The following EFR3B variants were observed in gnomAD, a reference collection of about 807,000 sequenced individuals.
EFR3B encodes the protein protein EFR3 homolog B.
EFR3B carries 64 observed loss-of-function variants against 104.7 expected under a neutral mutation model. The observed-to-expected ratio is 0.61, with a 90% CI of 0.50 to 0.75. The LOEUF is 0.75. Among genes scored for constraint, EFR3B ranks in the 30% least tolerant of loss-of-function variants. EFR3B has a pLI of 0.00. For synonymous variants in EFR3B, 385 were observed against 417.9 expected (o/e 0.92, Z 0.96); for missense variants, 750 against 1,078.5 (o/e 0.70, Z 4.27).
At chr2:25,048,841 G>A (rs376815619) in intron 1 of EFR3B, among the ~76,000 whole-genome samples, 5 of 152,168 alleles carry the variant, frequency 3.3e-5, no homozygotes, top group African/African-American at 9.7e-5. Context: ...GGTCCCCCGG[G>A]CCCAGGTGTC....
intron 19 of EFR3B, 150 bp downstream of exon 19, chr2:25,145,201 T>C (rs992320189): frequency 2.9e-6 from 2 of 698,786 alleles, no homozygotes; most frequent in African/African-American, 3.5e-5. Context: ...TCTCCCCACG[T>C]ATGCGTCATA....
chr2:25,135,915 C>T (rs1573229966), intron 13 of EFR3B, among the ~76,000 whole-genome samples: 2 of 151,970 alleles, frequency 1.3e-5, no homozygotes, highest in East Asian at 3.9e-4. Flanking sequence ...AGAGAGTAGG[C>T]ATTAAAGGGA....
At position 25,042,165 on chromosome 2, in the gene EFR3B, G is replaced by T. The variant is rs1573154375; in HGVS notation, c.-148G>T. On this transcript the variant is annotated 5_prime_UTR_variant, in exon 1 of 23. Coordinates refer to ENST00000403714, the MANE Select transcript of EFR3B (RefSeq NM_014971.2). The surrounding 1 kb of genome is among the most constrained non-coding windows in gnomAD (Gnocchi z 5.4). ...CCCGGCTCCGTCCTGCCCGCGGCCG[G>T]CCCCCGCGTCTGCTCCCTCCCCGCC... 1 of 759,014 alleles carries T rather than the reference G, an allele frequency of 1.3e-6. No homozygotes were observed. Among genetic ancestry groups the T allele is most frequent in the East Asian group, 3.9e-5 (1 of 25,394 alleles). 47.0% of individuals were successfully genotyped at this position (759,014 alleles called of 1,614,324 possible).
At chr2:25,105,306 C>T (rs1669533608) in intron 4 of EFR3B, among the ~76,000 whole-genome samples, 1 of 152,138 alleles carries the variant, frequency 6.6e-6, no homozygotes, top group Admixed American at 6.6e-5. Context: ...GCATACACCA[C>T]CACACCTGGC....
chr2:25,048,767 A>G (rs1667788142), intron 1 of EFR3B, among the ~76,000 whole-genome samples: 1 of 152,224 alleles, frequency 6.6e-6, no homozygotes, highest in African/African-American at 2.4e-5. Context: ...CTTGCTCTAC[A>G]ATCATAACCT....
chr2:25,152,116 T>C lies in EFR3B; in HGVS notation c.2298+96T>C. The stretch of plus-strand genomic sequence containing the variant: ...TAAGTTCCTAGGAGATCTTGGCTCT[T>C]TGACCACCAACCTCCCCCACCCCCA... On this transcript the variant is annotated intron_variant, in intron 21 of 22. Coordinates refer to ENST00000403714, the MANE Select transcript of EFR3B (RefSeq NM_014971.2). The C allele has an allele frequency of 4.0e-6, 5 of 1,260,082 alleles. No homozygotes were observed. In the South Asian group the frequency reaches 7.0e-5, roughly 18 times the overall value. 78.1% of individuals were successfully genotyped at this position (1,260,082 alleles called of 1,614,324 possible).
chr2:25,062,930 C>CTTTTTCTT (rs1558586117), intron 1 of EFR3B, among the ~76,000 whole-genome samples: 1 of 143,648 alleles, frequency 7.0e-6, no homozygotes, highest in African/African-American at 2.5e-5. Flanking sequence ...TTTTCTTTTT[C>CTTTTTCTT]TTTTTTTTTT....
chr2:25,104,997 C>G (rs899683240), intron 4 of EFR3B, among the ~76,000 whole-genome samples: 18 of 152,196 alleles, frequency 1.2e-4, no homozygotes, highest in African/African-American at 4.3e-4. Context: ...CTGTCTCTCC[C>G]ATTCCTTCCC....
At chr2:25,129,388 A>G (rs899400034) in intron 6 of EFR3B, among the ~76,000 whole-genome samples, 6 of 149,294 alleles carry the variant, frequency 4.0e-5, no homozygotes, top group Admixed American at 1.3e-4. Context: ...TGGGGTTCGT[A>G]TGCCATCTGG....
intron 17 of EFR3B, among the ~76,000 whole-genome samples, chr2:25,142,380 CA>C (rs1208145837): frequency 6.7e-6 from 1 of 148,584 alleles, no homozygotes; most frequent in African/African-American, 2.5e-5. Flanking sequence ...ATCCAGGAGG[CA>C]AAGGTTGCAG....
At chr2:25,062,134 A>AT (rs1668215621) in intron 1 of EFR3B, among the ~76,000 whole-genome samples, 1 of 152,210 alleles carries the variant, frequency 6.6e-6, no homozygotes, top group African/African-American at 2.4e-5. Flanking sequence ...GTGAGCATGT[A>AT]TTTTTAATGG....
At chr2:25,094,282 C>CA (rs11455802) in intron 3 of EFR3B, among the ~76,000 whole-genome samples, 58,940 of 91,644 alleles carry the variant, frequency 0.64, 19,236 homozygotes, top group Middle Eastern at 0.78. Context: ...GAGACTGTCT[C>CA]AAAAAAAAAA....
intron 4 of EFR3B, among the ~76,000 whole-genome samples, chr2:25,116,487 G>T (rs1162599236): frequency 5.3e-5 from 8 of 151,714 alleles, no homozygotes; most frequent in Non-Finnish European, 1.5e-5. Flanking sequence ...ATCCAGGTGT[G>T]GTGGCGGGCA....
chr2:25,128,433 A>G, intron 6 of EFR3B, 101 bp downstream of exon 6: 2 of 1,444,530 alleles, frequency 1.4e-6, no homozygotes, highest in Non-Finnish European at 9.4e-7. Flanking sequence ...CTCAGCTACA[A>G]GGCCAGGGAC....
chr2:25,103,868 CA>C, intron 4 of EFR3B, 81 bp downstream of exon 4: 1 of 1,511,710 alleles, frequency 6.6e-7, no homozygotes, highest in South Asian at 1.3e-5. Flanking sequence ...TCGGGGTCGG[CA>C]CTGTCATGTT....
At chr2:25,053,697 G>T (rs1667944315) in intron 1 of EFR3B, among the ~76,000 whole-genome samples, 1 of 152,186 alleles carries the variant, frequency 6.6e-6, no homozygotes, top group Non-Finnish European at 1.5e-5. Context: ...GAGGTCAAGA[G>T]ATTGAGACCA....
Position 25,137,434 on chromosome 2 carries a change from C to G in EFR3B, c.1654C>G (p.Leu552Val). The change falls in exon 15 of 23, where the codon CTC becomes GTC. Residue 552 changes from leucine (L) to valine (V), a missense_variant. Physicochemically the swap from Leu to Val is conservative, Grantham distance 32 (BLOSUM62 1). Transcript: ENST00000403714. The surrounding 1 kb of genome is among the most constrained non-coding windows in gnomAD (Gnocchi z 4.7). ...CGAGGCGCTCTATGGCTTGCTGGCC[C>G]TCATCAGCATCGAGCTGGCTAACGA... ...HYEALYGLLA[L>V]ISIELANEEV... 6.4e-7 allele frequency: 1 copy of G among 1,551,776 alleles called. No homozygotes were observed. The highest frequency in any genetic ancestry group is 8.7e-7 in the Non-Finnish European group (1 of 1,147,016).
intron 5 of EFR3B, among the ~76,000 whole-genome samples, chr2:25,122,027 C>T (rs889914138): frequency 2.7e-5 from 4 of 150,928 alleles, no homozygotes; most frequent in African/African-American, 9.8e-5. Context: ...AGTGCAGTGG[C>T]GCGATCTTGG....
At chr2:25,148,017 C>T (rs1670867845) in intron 19 of EFR3B, 1 of 100,902 alleles carries the variant, frequency 9.9e-6, no homozygotes, top group South Asian at 3.6e-4. Context: ...GAGAGCGAAA[C>T]TCCATCTCAA....
Sources: allele counts gnomAD v4.1 joint callset (sites outside exome capture counted in the v4.1 genomes callset), GRCh38; gene constraint gnomAD v4.1.1; non-coding constraint Gnocchi (gnomAD v3.1); transcripts MANE v1.5; gene names NCBI Gene and HGNC (gene_info 2026-07-23, HGNC 2026-07-21).